Variants in IGSF21 observed in about 807,000 individuals in gnomAD.
IGSF21 encodes immunoglobin superfamily member 21, also known as immunoglobulin superfamily member 21.
IGSF21 carries 28 observed loss-of-function variants against 46.8 expected under a neutral mutation model. That is an observed-to-expected ratio of 0.60 (90% CI 0.44 to 0.82). IGSF21 has a LOEUF of 0.82. IGSF21 is among the 40% of genes least tolerant of loss of function. The pLI, the probability that IGSF21 is intolerant of heterozygous loss-of-function variation, is 0.00. For synonymous variants in IGSF21, 284 were observed against 273.6 expected (o/e 1.04, Z -0.38); for missense variants, 624 against 665.5 (o/e 0.94, Z 0.69).
At chr1:18,373,693 C>T (rs777274236) in intron 6 of IGSF21, among the ~76,000 whole-genome samples, 68 of 152,134 alleles carry the variant, frequency 4.5e-4, no homozygotes, top group Non-Finnish European at 8.7e-4. Context: ...CCCACCTCCA[C>T]CCTTGGGCTC....
intron 1 of IGSF21, among the ~76,000 whole-genome samples, chr1:18,219,126 CAAGT>C (rs1281699601): frequency 7.9e-5 from 12 of 152,282 alleles, no homozygotes; most frequent in African/African-American, 2.9e-4. Flanking sequence ...AGACAATAAA[CAAGT>C]AAGTATATGT....
chr1:18,376,899 C>T lies in IGSF21; in HGVS notation c.1201C>T (p.Arg401Trp), dbSNP rs773303751. 35 of 1,612,794 alleles carry T rather than the reference C, an allele frequency of 2.2e-5. No homozygotes were observed. The highest frequency in any genetic ancestry group is 2.7e-5 in the Non-Finnish European group (32 of 1,179,032). The change falls in exon 8 of 10, where the codon CGG becomes TGG. Residue 401 changes from arginine to tryptophan, a missense_variant. Physicochemically the swap from Arg to Trp is moderately radical, Grantham distance 101. Coordinates refer to ENST00000251296, the MANE Select transcript of IGSF21 (RefSeq NM_032880.5). ...CGACGGGAAGGAGCTGGTGCTGGAGCGGGTTCCCGCCGAGCTCAATGGCTC... is the reference window on the plus strand; with the variant it reads ...CGACGGGAAGGAGCTGGTGCTGGAGTGGGTTCCCGCCGAGCTCAATGGCTC... ...EFDGKELVLE[R>W]VPAELNGSMY...
rs561786566 is a variant in IGSF21 at position 18,317,899 on chromosome 1, T to G, written c.306-16993T>G. Among the ~76,000 whole-genome samples, 32 of 152,288 alleles carry G rather than the reference T, an allele frequency of 2.1e-4. No homozygotes were observed. In the South Asian group the frequency reaches 6.2e-3, roughly 30 times the overall value. ...TACCCCAAATTGTAAGGTGAGGAGATGGAGACACAGAGTGGTAGAGTGACT... is the reference window on the plus strand; with the variant it reads ...TACCCCAAATTGTAAGGTGAGGAGAGGGAGACACAGAGTGGTAGAGTGACT... On this transcript the variant is annotated intron_variant, in intron 3 of 9. Transcript: ENST00000251296.
chr1:18,198,702 A>G (rs2087034818), intron 1 of IGSF21, among the ~76,000 whole-genome samples: 1 of 152,086 alleles, frequency 6.6e-6, no homozygotes, highest in Non-Finnish European at 1.5e-5. Flanking sequence ...GAGAGAGCAG[A>G]GTATTGCAGC....
intron 4 of IGSF21, among the ~76,000 whole-genome samples, chr1:18,346,397 C>T (rs1339321342): frequency 1.3e-5 from 2 of 152,022 alleles, no homozygotes; most frequent in South Asian, 2.1e-4. Flanking sequence ...TAAGATGGCA[C>T]GTTTGGGCGT....
chr1:18,239,798 C>T (rs1204512166), intron 2 of IGSF21, among the ~76,000 whole-genome samples: 1 of 152,130 alleles, frequency 6.6e-6, no homozygotes, highest in Non-Finnish European at 1.5e-5. Flanking sequence ...CATTTTTCCC[C>T]CTTCAATCTT....
intron 4 of IGSF21, among the ~76,000 whole-genome samples, chr1:18,345,863 G>A (rs2085887567): frequency 6.6e-6 from 1 of 152,178 alleles, no homozygotes; most frequent in African/African-American, 2.4e-5. Flanking sequence ...TCAAACCCAG[G>A]CAGGCTGCCT....
chr1:18,229,974 A>C (rs1326230429), intron 2 of IGSF21, among the ~76,000 whole-genome samples: 1 of 152,240 alleles, frequency 6.6e-6, no homozygotes, highest in African/African-American at 2.4e-5. Context: ...AATGGAGCGA[A>C]ATGGAAGGAA....
At chr1:18,174,304 G>A (rs1003337627) in intron 1 of IGSF21, among the ~76,000 whole-genome samples, 1 of 152,140 alleles carries the variant, frequency 6.6e-6, no homozygotes, top group African/African-American at 2.4e-5. Flanking sequence ...TGTGTTCCCC[G>A]AATCCGAGCA....
intron 1 of IGSF21, among the ~76,000 whole-genome samples, chr1:18,186,428 T>C (rs1290667331): frequency 6.6e-6 from 1 of 152,086 alleles, no homozygotes; most frequent in Non-Finnish European, 1.5e-5. Context: ...CATACCTCCT[T>C]CTTCACCCTC....
intron 1 of IGSF21, among the ~76,000 whole-genome samples, chr1:18,129,773 G>A (rs1266043135): frequency 3.3e-5 from 5 of 152,320 alleles, no homozygotes; most frequent in Non-Finnish European, 7.3e-5. Flanking sequence ...AATTGCCATT[G>A]TAGCAGTATT....
At chr1:18,202,337 T>G (rs1309883589) in intron 1 of IGSF21, among the ~76,000 whole-genome samples, 1 of 152,212 alleles carries the variant, frequency 6.6e-6, no homozygotes, top group African/African-American at 2.4e-5. Flanking sequence ...CTAGGTGTCT[T>G]CTTTGTCTTT....
intron 1 of IGSF21, among the ~76,000 whole-genome samples, chr1:18,119,664 C>G (rs2086217605): frequency 6.6e-6 from 1 of 152,164 alleles, no homozygotes; most frequent in Non-Finnish European, 1.5e-5. Context: ...CTTTAATGCC[C>G]CTCTATCACA....
chr1:18,226,182 G>T (rs931127855), intron 1 of IGSF21, among the ~76,000 whole-genome samples: 4 of 152,198 alleles, frequency 2.6e-5, no homozygotes, highest in African/African-American at 9.6e-5. Context: ...ATGCCCCATG[G>T]CTGGGATCAT....
chr1:18,200,418 G>A (rs535216143), intron 1 of IGSF21, among the ~76,000 whole-genome samples: 4 of 152,070 alleles, frequency 2.6e-5, no homozygotes, highest in Non-Finnish European at 5.9e-5. Context: ...TCGAGGTGTG[G>A]GTGGGCCACA....
At position 18,318,457 on chromosome 1, in the gene IGSF21, C is replaced by T. The variant is rs544291956; in HGVS notation, c.306-16435C>T. On this transcript the variant is annotated intron_variant, in intron 3 of 9. Coordinates refer to ENST00000251296, the MANE Select transcript of IGSF21 (RefSeq NM_032880.5). ...CACTGATAGGGTGCATGCACGTGTGCGTGCGTGCGTGTGTGTGTGTGTGTG... is the reference window on the plus strand; with the variant it reads ...CACTGATAGGGTGCATGCACGTGTGTGTGCGTGCGTGTGTGTGTGTGTGTG... Among the ~76,000 whole-genome samples, 24 of 99,472 alleles carry T rather than the reference C, an allele frequency of 2.4e-4. No individual in the cohort carries two copies. The South Asian group carries it at 8.5e-3, about 35-fold the overall frequency. 65.3% of individuals were successfully genotyped at this position (99,472 alleles called of 152,430 possible).
intron 1 of IGSF21, among the ~76,000 whole-genome samples, chr1:18,194,551 CA>C (rs1378076330): frequency 2.9e-4 from 44 of 152,268 alleles, no homozygotes; most frequent in African/African-American, 1.0e-3. Context: ...TGCCTTGCTC[CA>C]AGCTCTGCCT....
At chr1:18,237,327 G>T (rs1454647200) in intron 2 of IGSF21, among the ~76,000 whole-genome samples, 2 of 152,146 alleles carry the variant, frequency 1.3e-5, no homozygotes, top group Non-Finnish European at 2.9e-5. Flanking sequence ...AGGTCTGAAG[G>T]TATAAAGAAG....
At chr1:18,259,930 C>T (rs767674147) in intron 2 of IGSF21, among the ~76,000 whole-genome samples, 27 of 152,130 alleles carry the variant, frequency 1.8e-4, no homozygotes, top group Non-Finnish European at 3.5e-4. Flanking sequence ...GACAGACAAA[C>T]CTGGGTTAAA....
Sources: gnomAD v4.1 joint callset for allele counts (sites outside exome capture counted in the v4.1 genomes callset) on GRCh38, gnomAD v4.1.1 for gene constraint, MANE v1.5 for transcripts, NCBI Gene and HGNC (gene_info 2026-07-23, HGNC 2026-07-21) for gene names.